The following DLGAP2 variants were observed in gnomAD, a reference collection of about 807,000 sequenced individuals.
The protein encoded by DLGAP2 is disks large-associated protein 2.
Under a neutral mutation model 100.3 loss-of-function variants are expected in DLGAP2, and 26 were observed. The ratio of observed to expected loss-of-function variants is 0.26; its 90% CI spans 0.19 to 0.36. The LOEUF is 0.36. Among genes scored for constraint, DLGAP2 ranks in the 10% least tolerant of loss-of-function variants. DLGAP2 has a pLI of 1.00. For missense variants in DLGAP2, 1,858 were observed against 1,453.2 expected (o/e 1.28, Z -4.53); for synonymous variants, 886 against 630.1 (o/e 1.41, Z -6.08).
At chr8:1,565,568 G>A in intron 5 of DLGAP2, 115 bp from the exon 6 acceptor site, 1 of 749,146 alleles carries the variant, frequency 1.3e-6, no homozygotes, top group Non-Finnish European at 2.1e-6. Flanking sequence ...ACTGATAAAT[G>A]ACTGTAAAGA....
At chr8:744,826 A>G (rs544247606) in intron 1 of DLGAP2, among the ~76,000 whole-genome samples, 81 of 152,248 alleles carry the variant, frequency 5.3e-4, no homozygotes, top group Admixed American at 3.8e-3. Context: ...CTGTTCTCTC[A>G]AACCTAGTTG....
At chr8:918,618 T>G (rs13274966) in intron 2 of DLGAP2, among the ~76,000 whole-genome samples, 2,355 of 152,340 alleles carry the variant, frequency 0.015, 33 homozygotes, top group Middle Eastern at 0.027. Context: ...AAGACTGTGG[T>G]GATACCTTGT....
intron 1 of DLGAP2, among the ~76,000 whole-genome samples, chr8:853,711 A>G (rs1277573433): frequency 1.3e-5 from 2 of 152,190 alleles, no homozygotes; most frequent in Non-Finnish European, 2.9e-5. Flanking sequence ...ACTTTAAATC[A>G]CTGGAGGATG....
At chr8:854,837 G>A (rs1412559081) in intron 1 of DLGAP2, among the ~76,000 whole-genome samples, 1 of 152,228 alleles carries the variant, frequency 6.6e-6, no homozygotes, top group East Asian at 1.9e-4. Flanking sequence ...ATGCGATGAA[G>A]CTCTGGAGAA....
chr8:1,262,115 G>T (rs10866922), intron 3 of DLGAP2, among the ~76,000 whole-genome samples: 127,611 of 152,202 alleles, frequency 0.84, 53,680 homozygotes, highest in Non-Finnish European at 0.87. Context: ...GGATACAGAT[G>T]GAATAATTAG....
chr8:768,676 G>A lies in DLGAP2; in HGVS notation c.18+30851G>A, dbSNP rs1041894287. ...CCTGACCTCATGATCTGCCCGCCTC[G>A]GCCTCCCAAAGTGCTGGGATTACAG... On this transcript the variant is annotated intron_variant, in intron 1 of 14. Coordinates refer to ENST00000637795, the MANE Select transcript of DLGAP2 (RefSeq NM_001346810.2). Among the ~76,000 whole-genome samples the A allele has an allele frequency of 2.6e-5, 4 of 151,740 alleles. No homozygotes were observed. The South Asian group carries it at 6.2e-4, about 24-fold the overall frequency.
intron 3 of DLGAP2, chr8:1,300,062 C>G (rs1173449903): frequency 6.6e-6 from 1 of 152,120 alleles, no homozygotes; most frequent in African/African-American, 2.4e-5. Context: ...GATCAGTGTC[C>G]CCCTCTCATT....
intron 8 of DLGAP2, among the ~76,000 whole-genome samples, chr8:1,645,929 T>C (rs1798030286): frequency 6.6e-6 from 1 of 152,228 alleles, no homozygotes; most frequent in Non-Finnish European, 1.5e-5. Context: ...CAGCCTTGTC[T>C]TTCCCGTTCA....
intron 2 of DLGAP2, among the ~76,000 whole-genome samples, chr8:1,233,208 G>A (rs1798573586): frequency 6.6e-6 from 1 of 152,208 alleles, no homozygotes; most frequent in Non-Finnish European, 1.5e-5. Flanking sequence ...TTGGACATTT[G>A]AGTTGTTTCT....
chr8:847,697 G>C (rs1394675869), intron 1 of DLGAP2, among the ~76,000 whole-genome samples: 1 of 152,076 alleles, frequency 6.6e-6, no homozygotes, highest in Non-Finnish European at 1.5e-5. Flanking sequence ...AGTAGAGACA[G>C]GGTTTCACCA....
At chr8:1,167,799 G>A (rs902800154) in intron 2 of DLGAP2, among the ~76,000 whole-genome samples, 1 of 152,018 alleles carries the variant, frequency 6.6e-6, no homozygotes, top group Admixed American at 6.6e-5. Context: ...ACAAAGTCAA[G>A]TATAAAGTAC....
chr8:1,695,299 AT>A (rs1373880669), intron 13 of DLGAP2, among the ~76,000 whole-genome samples: 1 of 140,524 alleles, frequency 7.1e-6, no homozygotes, highest in Non-Finnish European at 1.5e-5. Context: ...GGGCACAGTC[AT>A]GCCCGGCCCT....
intron 2 of DLGAP2, among the ~76,000 whole-genome samples, chr8:1,131,386 C>G (rs569828139): frequency 6.6e-6 from 1 of 152,270 alleles, no homozygotes; most frequent in South Asian, 2.1e-4. Context: ...CTGGTGGGAA[C>G]CTTCTCCCTG....
chr8:1,315,415 T>A (rs1800714066), intron 3 of DLGAP2, among the ~76,000 whole-genome samples: 1 of 142,108 alleles, frequency 7.0e-6, no homozygotes, highest in African/African-American at 2.8e-5. Flanking sequence ...CTCGGCAGCT[T>A]TTAAAAATAG....
At chr8:1,683,366 CT>C (rs1423913030) in intron 12 of DLGAP2, among the ~76,000 whole-genome samples, 1 of 151,444 alleles carries the variant, frequency 6.6e-6, no homozygotes, top group Non-Finnish European at 1.5e-5. Flanking sequence ...CCTTTGTCTC[CT>C]TCCTCTGGAG....
chr8:976,285 G>A (rs1021672189), intron 2 of DLGAP2, among the ~76,000 whole-genome samples: 3 of 152,052 alleles, frequency 2.0e-5, no homozygotes, highest in African/African-American at 4.8e-5. Context: ...TCAAAAAATC[G>A]GCCAATAGAA....
chr8:916,002 G>A (rs1178864258), intron 2 of DLGAP2, among the ~76,000 whole-genome samples: 1 of 148,514 alleles, frequency 6.7e-6, no homozygotes, highest in Non-Finnish European at 1.5e-5. Flanking sequence ...TGGTTTCTGT[G>A]TGTGTTAACC....
At chr8:823,066 T>C (rs1251290945) in intron 1 of DLGAP2, among the ~76,000 whole-genome samples, 1 of 152,130 alleles carries the variant, frequency 6.6e-6, no homozygotes, top group Non-Finnish European at 1.5e-5. Context: ...GGGGGGGCCA[T>C]GTTGCTGCCA....
intron 1 of DLGAP2, among the ~76,000 whole-genome samples, chr8:758,090 T>TG (rs1173374830): frequency 2.0e-5 from 3 of 152,172 alleles, no homozygotes; most frequent in Non-Finnish European, 4.4e-5. Context: ...ATGTGGCTGT[T>TG]GGAAAGATCA....
Sources: gnomAD v4.1 joint callset for allele counts (sites outside exome capture counted in the v4.1 genomes callset) on GRCh38, gnomAD v4.1.1 for gene constraint, MANE v1.5 for transcripts, NCBI Gene and HGNC (gene_info 2026-07-23, HGNC 2026-07-21) for gene names.